RXFP1: variants seen among roughly 807,000 people sequenced by gnomAD.
RXFP1 encodes the protein relaxin receptor 1.
Under a neutral mutation model 89.8 loss-of-function variants are expected in RXFP1, and 73 were observed. That is an observed-to-expected ratio of 0.81 (90% CI 0.67 to 0.99). The LOEUF (loss-of-function observed/expected upper bound fraction) is 0.99, where lower values mean the gene tolerates loss of function less well. RXFP1 is among the 50% of genes least tolerant of loss of function. The pLI, the probability that RXFP1 is intolerant of heterozygous loss-of-function variation, is 0.00. For synonymous variants in RXFP1, 277 were observed against 305.5 expected (o/e 0.91, Z 0.97); for missense variants, 793 against 895.5 (o/e 0.89, Z 1.46).
intron 17 of RXFP1, among the ~76,000 whole-genome samples, chr4:158,650,226 G>A (rs1298019756): frequency 6.6e-6 from 1 of 152,042 alleles, no homozygotes; most frequent in African/African-American, 2.4e-5. Context: ...TAGGGGTTGG[G>A]GGAAGGGAGA....
intron 1 of RXFP1, among the ~76,000 whole-genome samples, chr4:158,541,867 C>T (rs1009888480): frequency 3.3e-5 from 5 of 151,600 alleles, no homozygotes; most frequent in African/African-American, 1.2e-4. Flanking sequence ...TTTCAGCAAT[C>T]GTCTCAATTA....
At chr4:158,533,630 T>TGGGTTAGTCTAC (rs1560956172) in intron 1 of RXFP1, among the ~76,000 whole-genome samples, 2 of 152,004 alleles carry the variant, frequency 1.3e-5, no homozygotes, top group Admixed American at 1.3e-4. Flanking sequence ...GGTTAGTCTA[T>TGGGTTAGTCTAC]CTTCATTTGG....
chr4:158,593,102 A>AAAAAAAAC (rs1759843021), intron 2 of RXFP1, among the ~76,000 whole-genome samples: 1 of 150,408 alleles, frequency 6.6e-6, no homozygotes, highest in African/African-American at 2.5e-5. Flanking sequence ...AAAAAAAACA[A>AAAAAAAAC]AAACAAACAA....
chr4:158,647,141 C>T lies in RXFP1; in HGVS notation c.1696C>T (p.Leu566Phe). 1 of 1,613,038 alleles carries T rather than the reference C, an allele frequency of 6.2e-7. No homozygotes were observed. Among genetic ancestry groups the T allele is most frequent in the Non-Finnish European group, 8.5e-7 (1 of 1,179,612 alleles). Residue 566 changes from leucine (L) to phenylalanine (F), a missense_variant, in exon 16 of 18, where the codon CTT (leucine) becomes TTT (phenylalanine). Leu to Phe is a conservative substitution (Grantham distance 22). Transcript: ENST00000307765. ...TGGCACCAATGGAGTATGCTTCCCT[C>T]TTCATTCAGAAGATACAGAAAGTAT... ...YYGTNGVCFP[L>F]HSEDTESIGA...
At chr4:158,594,514 G>A (rs991845743) in intron 3 of RXFP1, among the ~76,000 whole-genome samples, 11 of 145,856 alleles carry the variant, frequency 7.5e-5, no homozygotes, top group African/African-American at 2.9e-4. Flanking sequence ...TTTTTTTTTT[G>A]CTGATCTTCT....
Position 158,651,830 on chromosome 4 carries a change from G to C in RXFP1, c.2049G>C (p.Leu683=), listed in dbSNP as rs1371391732. The change falls in exon 18 of 18, where the codon CTG becomes CTC. Residue 683 remains leucine, a synonymous_variant. Transcript: ENST00000307765. The part of the protein sequence containing the change: ...NSALNPILYT[L]TTRPFKEMIH... The stretch of plus-strand genomic sequence containing the variant: ...CTTTGAACCCAATTCTCTATACTCT[G>C]ACCACAAGACCATTTAAAGAAATGA... The C allele has an allele frequency of 6.2e-7, 1 of 1,613,936 alleles. No homozygotes were observed. Among genetic ancestry groups the C allele is most frequent in the Non-Finnish European group, 8.5e-7 (1 of 1,179,950 alleles).
In RXFP1 at chr4:158,525,202, C is replaced by T. The variant is rs143911048; in HGVS notation, c.49+3177C>T. Among the ~76,000 whole-genome samples, 812 of 147,810 alleles carry T rather than the reference C, an allele frequency of 5.5e-3. 8 individuals carry two copies. Among genetic ancestry groups the T allele is most frequent in the African/African-American group, 0.018 (721 of 40,988 alleles). ...TGCAGACCACAGAGGTATACTGTGT[C>T]CCACCTTATACTTTGGCGGGGGGGG... On this transcript the variant is annotated intron_variant, in intron 1 of 17. Coordinates refer to ENST00000307765, the MANE Select transcript of RXFP1 (RefSeq NM_021634.4).
chr4:158,566,151 G>A (rs975275522), intron 1 of RXFP1, among the ~76,000 whole-genome samples: 2 of 152,158 alleles, frequency 1.3e-5, no homozygotes, highest in Admixed American at 6.5e-5. Flanking sequence ...GGGTTCTGAG[G>A]TTTAAGTGGT....
Position 158,652,568 on chromosome 4 carries a change from T to A in RXFP1, c.*513T>A, listed in dbSNP as rs1184805515. ...GCATCATAGAAAATGTCTGACTGTT[T>A]GCAAAATAATATTCTGTTTTAAGAA... is the stretch of plus-strand genomic sequence containing the variant. On this transcript the variant is annotated 3_prime_UTR_variant, in exon 18 of 18. Coordinates refer to ENST00000307765, the MANE Select transcript of RXFP1 (RefSeq NM_021634.4). 6.6e-6 allele frequency: 1 copy of A among 152,246 alleles called. No homozygotes were observed. Among genetic ancestry groups the A allele is most frequent in the African/African-American group, 2.4e-5 (1 of 41,462 alleles). The allele number at this position is 152,246 out of a possible 1,614,324, so 9.4% of individuals were successfully genotyped here.
At chr4:158,596,751 G>A (rs1203640158) in intron 3 of RXFP1, among the ~76,000 whole-genome samples, 1 of 152,142 alleles carries the variant, frequency 6.6e-6, no homozygotes, top group Non-Finnish European at 1.5e-5. Flanking sequence ...GAAAAGTTCA[G>A]TGACTTCATC....
rs1279743563 is a variant in RXFP1, at chr4:158,521,963, T to C, written c.-14T>C. ...TTGCTCACTTTCATTAATCAGTTGC[T>C]CAGATAGAAGGAAATGACATCTGGT... is the stretch of plus-strand genomic sequence containing the variant. On this transcript the variant is annotated 5_prime_UTR_variant, in exon 1 of 18. Transcript: ENST00000307765. The C allele has an allele frequency of 1.9e-6, 3 of 1,605,538 alleles. No individual in the cohort carries two copies. The highest frequency in any genetic ancestry group is 2.6e-6 in the Non-Finnish European group (3 of 1,174,134).
intron 1 of RXFP1, among the ~76,000 whole-genome samples, chr4:158,549,587 T>A (rs1159324084): frequency 1.3e-5 from 2 of 152,232 alleles, no homozygotes; most frequent in African/African-American, 2.4e-5. Context: ...TGGTTTTATC[T>A]ACTTTTGGTC....
At chr4:158,549,797 T>C (rs922433296) in intron 1 of RXFP1, among the ~76,000 whole-genome samples, 1 of 152,164 alleles carries the variant, frequency 6.6e-6, no homozygotes, top group African/African-American at 2.4e-5. Flanking sequence ...TGCTGCCTGA[T>C]TGTTCCTCTG....
chr4:158,639,248 T>C lies in RXFP1; in HGVS notation c.1044-12T>C, dbSNP rs1428661211. ...ATGTTCCTTTGATTGATTATTAATT[T>C]GATATTTTTAGCAGCCTAGAAGGGA... On this transcript the variant is annotated splice_polypyrimidine_tract_variant and intron_variant, in intron 13 of 17. Transcript: ENST00000307765. 1 of 1,441,906 alleles carries C rather than the reference T, an allele frequency of 6.9e-7. No homozygotes were observed. Among genetic ancestry groups the C allele is most frequent in the Admixed American group, 1.7e-5 (1 of 58,622 alleles). 89.3% of individuals were successfully genotyped at this position (1,441,906 alleles called of 1,614,324 possible).
chr4:158,540,062 G>A (rs1170657804), intron 1 of RXFP1, among the ~76,000 whole-genome samples: 1 of 152,124 alleles, frequency 6.6e-6, no homozygotes, highest in Admixed American at 6.5e-5. Flanking sequence ...AACCTGGCAG[G>A]GGGTAGTTAC....
intron 1 of RXFP1, among the ~76,000 whole-genome samples, chr4:158,553,707 T>C (rs1405376809): frequency 6.6e-6 from 1 of 152,152 alleles, no homozygotes; most frequent in Non-Finnish European, 1.5e-5. Flanking sequence ...CTAGGTTTTA[T>C]GACTGATTTA....
chr4:158,543,916 G>T, intron 1 of RXFP1: 1 of 985,132 alleles, frequency 1.0e-6, no homozygotes, highest in South Asian at 4.7e-5. Context: ...AAACTCTACT[G>T]AATATCGATA....
intron 1 of RXFP1, among the ~76,000 whole-genome samples, chr4:158,569,230 A>G (rs962530427): frequency 1.3e-5 from 2 of 152,238 alleles, no homozygotes; most frequent in African/African-American, 4.8e-5. Flanking sequence ...TACCTACTGC[A>G]TGATTCCAAT....
At chr4:158,586,891 T>TAA (rs61486750) in intron 2 of RXFP1, among the ~76,000 whole-genome samples, 9 of 142,314 alleles carry the variant, frequency 6.3e-5, no homozygotes, top group African/African-American at 2.1e-4. Context: ...CTATTAATGG[T>TAA]AAAAAAAAAA....
Sources: allele counts gnomAD v4.1 joint callset (sites outside exome capture counted in the v4.1 genomes callset), GRCh38; gene constraint gnomAD v4.1.1; transcripts MANE v1.5; gene names NCBI Gene and HGNC (gene_info 2026-07-23, HGNC 2026-07-21).